SHISA5: variants seen among roughly 807,000 people sequenced by gnomAD.
SHISA5 encodes shisa family member 5.
In SHISA5, 21 loss-of-function variants were observed where a neutral mutation model predicts 27.5. The observed-to-expected ratio is 0.76, with a 90% confidence interval of 0.54 to 1.10. SHISA5 has a LOEUF of 1.10. Ranked by LOEUF, SHISA5 falls within the 50% of genes least tolerant of loss-of-function variation. SHISA5 has a pLI of 0.00. For synonymous variants in SHISA5, 137 were observed against 142.2 expected (o/e 0.96, Z 0.26); for missense variants, 314 against 336.3 (o/e 0.93, Z 0.52).
rs1047554792 is a variant in SHISA5 at position 48,479,404 on chromosome 3, C to G, written c.234-147G>C. The G allele has an allele frequency of 8.9e-6, 6 of 673,500 alleles. No homozygotes were observed. In the African/African-American group the frequency reaches 1.1e-4, roughly 12 times the overall value. The allele number at this position is 673,500 out of a possible 1,614,324, so 41.7% of individuals were successfully genotyped here. On this transcript the variant is annotated intron_variant, in intron 2 of 5. Coordinates refer to ENST00000296444, the MANE Select transcript of SHISA5 (RefSeq NM_016479.6). Reference sequence around the variant, plus strand: ...TTCCAGAGGTGGACTCTGCCCACACCGGGATCTCATAGCACAAAGCCACAC... The same window carrying G: ...TTCCAGAGGTGGACTCTGCCCACACGGGGATCTCATAGCACAAAGCCACAC...
Position 48,479,170 on chromosome 3 carries a change from T to C in SHISA5, c.314+7A>G, listed in dbSNP as rs750111919. ...GAAGATGCACCCAGCCAGCAGGCTTTACTTACCCTGACATGGGGTCGTTGT... is the reference window on the plus strand; with the variant it reads ...GAAGATGCACCCAGCCAGCAGGCTTCACTTACCCTGACATGGGGTCGTTGT... On this transcript the variant is annotated splice_region_variant and intron_variant, in intron 3 of 5. Coordinates refer to ENST00000296444, the MANE Select transcript of SHISA5 (RefSeq NM_016479.6). 2 of 1,605,152 alleles carry C rather than the reference T, an allele frequency of 1.2e-6. No homozygotes were observed.
rs1303356123 is a variant in SHISA5 at position 48,494,174 on chromosome 3, C to T, written c.233+6963G>A. ...TTTTATTCTGTTTCTATGAGTTTGA[C>T]TTTGACACTCCACATATAAGTGAGA... is the stretch of plus-strand genomic sequence containing the variant. On this transcript the variant is annotated intron_variant, in intron 2 of 5. Coordinates refer to ENST00000296444, the MANE Select transcript of SHISA5 (RefSeq NM_016479.6). 2.0e-5 allele frequency among the ~76,000 whole-genome samples: 3 copies of T among 147,456 alleles called. 1 individual carries two copies. The highest frequency in any genetic ancestry group is 2.0e-4 in the Admixed American group (3 of 15,070).
At chr3:48,486,438 T>G (rs56234900) in intron 2 of SHISA5, among the ~76,000 whole-genome samples, 1 of 102,726 alleles carries the variant, frequency 9.7e-6, no homozygotes, top group African/African-American at 4.2e-5. Flanking sequence ...TTTTATATAT[T>G]TATAATATTA....
intron 3 of SHISA5, among the ~76,000 whole-genome samples, chr3:48,478,656 C>G (rs1290978135): frequency 6.6e-6 from 1 of 152,146 alleles, no homozygotes; most frequent in Non-Finnish European, 1.5e-5. Flanking sequence ...AGTCCTGACA[C>G]AGTAACCATG....
chr3:48,483,642 T>G (rs1189767581), intron 2 of SHISA5, among the ~76,000 whole-genome samples: 1 of 151,256 alleles, frequency 6.6e-6, no homozygotes, highest in East Asian at 1.9e-4. Flanking sequence ...GCAGAGGGGC[T>G]CCTCACTTCC....
chr3:48,481,668 A>G (rs2107326578), intron 2 of SHISA5, among the ~76,000 whole-genome samples: 1 of 151,608 alleles, frequency 6.6e-6, no homozygotes, highest in Non-Finnish European at 1.5e-5. Context: ...GGCCGCCTGT[A>G]ATCCGCTACT....
chr3:48,468,483 G>GC lies in SHISA5; in HGVS notation c.*623dup. 8.5e-7 allele frequency: 1 copy of GC among 1,180,968 alleles called. No homozygotes were observed. Among genetic ancestry groups the GC allele is most frequent in the Non-Finnish European group, 1.1e-6 (1 of 939,440 alleles). 73.2% of individuals were successfully genotyped at this position (1,180,968 alleles called of 1,614,324 possible). A position where few individuals can be genotyped will look rare whatever the true frequency, so the allele number is the denominator to read the frequency against. On this transcript the variant is annotated 3_prime_UTR_variant, in exon 6 of 6. Transcript: ENST00000296444. The stretch of plus-strand genomic sequence containing the variant: ...GTAGGGCTCTGCCTGAGGTGTTCTG[G>GC]CATCAGGAGGCTGCCTGATCCCCAA...
At chr3:48,474,878 C>T (rs1239364582) in intron 3 of SHISA5, among the ~76,000 whole-genome samples, 1 of 152,152 alleles carries the variant, frequency 6.6e-6, no homozygotes, top group African/African-American at 2.4e-5. Context: ...CCTCAGGCCT[C>T]AGGTCACTTC....
chr3:48,482,639 CT>C (rs879532444), intron 2 of SHISA5, among the ~76,000 whole-genome samples: 217 of 145,852 alleles, frequency 1.5e-3, no homozygotes, highest in African/African-American at 3.3e-3. Flanking sequence ...TGAAAACTCA[CT>C]TTTTTTTTTT....
intron 2 of SHISA5, among the ~76,000 whole-genome samples, chr3:48,497,887 CAAA>C (rs58891931): frequency 7.5e-6 from 1 of 132,956 alleles, no homozygotes; most frequent in Non-Finnish European, 1.7e-5. Context: ...GAGACTGTCT[CAAA>C]AAAAAAAAAG....
rs780257314 is a variant in SHISA5 at position 48,469,840 on chromosome 3, G to T, written c.318C>A (p.Phe106Leu). The T allele has an allele frequency of 6.2e-7, 1 of 1,612,724 alleles. No homozygotes were observed. Among genetic ancestry groups the T allele is most frequent in the Non-Finnish European group, 8.5e-7 (1 of 1,179,424 alleles). ...TCAGGCCAACGGCCAAGGTCGCTCC[G>T]AACCTGCCAAAGAGCTAGACGTGAC... ...RPGYNDPMSG[F>L]GATLAVGLTI... Residue 106 changes from phenylalanine to leucine, a missense_variant, in exon 4 of 6, where the codon TTC becomes TTA. By Grantham distance (22) the Phe-to-Leu change is conservative. Transcript: ENST00000296444. The surrounding 1 kb of genome is among the most constrained non-coding windows in gnomAD (Gnocchi z 4.6).
chr3:48,480,229 A>G (rs2040964838), intron 2 of SHISA5, among the ~76,000 whole-genome samples: 1 of 151,982 alleles, frequency 6.6e-6, no homozygotes, highest in Non-Finnish European at 1.5e-5. Flanking sequence ...AAAAAGTACT[A>G]AAACAACAAC....
intron 3 of SHISA5, among the ~76,000 whole-genome samples, chr3:48,477,678 C>T (rs1406895908): frequency 6.6e-6 from 1 of 152,248 alleles, no homozygotes; most frequent in Non-Finnish European, 1.5e-5. Flanking sequence ...CTGCCTCGCT[C>T]TTGCCCAGGG....
chr3:48,473,038 G>A lies in SHISA5; in HGVS notation c.315-3195C>T. 1 of 1,535,578 alleles carries A rather than the reference G, an allele frequency of 6.5e-7. No individual in the cohort carries two copies. Among genetic ancestry groups the A allele is most frequent in the Non-Finnish European group, 8.7e-7 (1 of 1,146,848 alleles). On this transcript the variant is annotated intron_variant, in intron 3 of 5. Transcript: ENST00000296444. The surrounding 1 kb of genome is among the most constrained non-coding windows in gnomAD (Gnocchi z 4.3). ...ATGTTAGCCTCTGCCTTCACCCAGA[G>A]GCCTCCTGTACCCCTGGGCTTTCCC... is the stretch of plus-strand genomic sequence containing the variant.
At chr3:48,497,286 C>T (rs1159221058) in intron 2 of SHISA5, among the ~76,000 whole-genome samples, 4 of 101,782 alleles carry the variant, frequency 3.9e-5, no homozygotes, top group African/African-American at 1.2e-4. Flanking sequence ...TTTTTTTTGA[C>T]GGAGTCTCGC....
At chr3:48,482,447 A>G (rs1192169833) in intron 2 of SHISA5, among the ~76,000 whole-genome samples, 1 of 152,190 alleles carries the variant, frequency 6.6e-6, no homozygotes, top group Non-Finnish European at 1.5e-5. Flanking sequence ...CATTATTTGG[A>G]TTCCGATTTG....
At chr3:48,472,300 C>A (rs1376679743) in intron 3 of SHISA5, among the ~76,000 whole-genome samples, 6 of 151,338 alleles carry the variant, frequency 4.0e-5, no homozygotes, top group Non-Finnish European at 7.4e-5. Flanking sequence ...CCAGCCTGGG[C>A]AACATAGTGA....
rs781376466 is a variant in SHISA5 at position 48,481,661 on chromosome 3, CG to C, written c.234-2405del. Among the ~76,000 whole-genome samples, 115 of 151,424 alleles carry C rather than the reference CG, an allele frequency of 7.6e-4. 1 individual carries two copies. Among genetic ancestry groups the C allele is most frequent in the Non-Finnish European group, 1.5e-3 (101 of 67,894 alleles). ...AAAATTAGCCTGGTGTGGTGGTGGC[CG>C]CCTGTAATCCGCTACTCGGGAGGCT... On this transcript the variant is annotated intron_variant, in intron 2 of 5. Transcript: ENST00000296444.
At chr3:48,500,101 C>T (rs1401294334) in intron 2 of SHISA5, among the ~76,000 whole-genome samples, 2 of 152,076 alleles carry the variant, frequency 1.3e-5, no homozygotes, top group Non-Finnish European at 2.9e-5. Context: ...ATACCAGATG[C>T]CCACTGAAGC....
Sources: gnomAD v4.1 joint callset for allele counts (sites outside exome capture counted in the v4.1 genomes callset) on GRCh38, gnomAD v4.1.1 for gene constraint, Gnocchi (gnomAD v3.1) non-coding constraint, MANE v1.5 for transcripts, NCBI Gene and HGNC (gene_info 2026-07-23, HGNC 2026-07-21) for gene names.